The following KCNH5 variants were observed in gnomAD, a reference collection of about 807,000 sequenced individuals.
The protein encoded by KCNH5 is potassium voltage-gated channel subfamily H member 5.
Under a neutral mutation model 96.1 loss-of-function variants are expected in KCNH5, and 46 were observed. The ratio of observed to expected loss-of-function variants is 0.48; its 90% CI spans 0.38 to 0.61. KCNH5 has a LOEUF of 0.61. Among genes scored for constraint, KCNH5 ranks in the 20% least tolerant of loss-of-function variants. The probability of loss-of-function intolerance (pLI) is 0.00; values close to 1 mark genes in which losing one functional copy is unlikely to be tolerated. For synonymous variants in KCNH5, 439 were observed against 449.8 expected (o/e 0.98, Z 0.30); for missense variants, 907 against 1,225.8 (o/e 0.74, Z 3.88).
intron 10 of KCNH5, among the ~76,000 whole-genome samples, chr14:62,764,314 AT>A (rs1292982918): frequency 2.6e-5 from 4 of 152,226 alleles, no homozygotes; most frequent in African/African-American, 9.6e-5. Context: ...TTTTGGTAAA[AT>A]TAAACATATT....
At chr14:62,864,197 A>G (rs141494409) in intron 7 of KCNH5, among the ~76,000 whole-genome samples, 346 of 152,330 alleles carry the variant, frequency 2.3e-3, no homozygotes, top group Non-Finnish European at 4.2e-3. Flanking sequence ...AAAAGTGTAT[A>G]AAGACTTTTC....
In KCNH5 at chr14:63,023,372, A is replaced by G. The variant is rs572197475; in HGVS notation, c.74-6418T>C. Among the ~76,000 whole-genome samples the G allele has an allele frequency of 2.6e-5, 4 of 152,320 alleles. 1 individual carries two copies. The highest frequency in any genetic ancestry group is 2.0e-4 in the Admixed American group (3 of 15,296). On this transcript the variant is annotated intron_variant, in intron 1 of 10. Transcript: ENST00000322893. ...GTTGATTATATGAATAAGCCAATGA[A>G]CTAATACATTTTTGCAGGGTTCTCT...
chr14:62,988,994 C>T (rs1033011675), intron 4 of KCNH5, among the ~76,000 whole-genome samples: 4 of 151,758 alleles, frequency 2.6e-5, no homozygotes, highest in Admixed American at 1.3e-4. Flanking sequence ...ACATGAAATT[C>T]GCCATCCTCT....
chr14:62,739,141 ATG>A (rs953975267), intron 10 of KCNH5, among the ~76,000 whole-genome samples: 4 of 152,208 alleles, frequency 2.6e-5, no homozygotes, highest in African/African-American at 9.6e-5. Flanking sequence ...AACATTAAAA[ATG>A]TCAACAGTTA....
chr14:62,944,541 A>C (rs142705723), intron 7 of KCNH5, among the ~76,000 whole-genome samples: 32 of 152,200 alleles, frequency 2.1e-4, no homozygotes, highest in African/African-American at 7.7e-4. Context: ...GGCTGCTAGC[A>C]CATATTGGTT....
chr14:62,939,461 CA>C (rs1433289678), intron 7 of KCNH5, among the ~76,000 whole-genome samples: 3 of 152,176 alleles, frequency 2.0e-5, no homozygotes, highest in Admixed American at 6.5e-5. Context: ...ACATTTCCAT[CA>C]GAATAACCTG....
At chr14:62,888,152 T>G in intron 7 of KCNH5, among the ~76,000 whole-genome samples, 1 of 152,222 alleles carries the variant, frequency 6.6e-6, no homozygotes, top group East Asian at 1.9e-4. Context: ...AGATTTGTTG[T>G]GCTTTGTCTT....
chr14:62,715,681 A>G (rs1166067346), intron 10 of KCNH5, among the ~76,000 whole-genome samples: 10 of 152,288 alleles, frequency 6.6e-5, no homozygotes, highest in African/African-American at 2.4e-4. Context: ...TCAATCTGTA[A>G]GCTCTCCGAG....
intron 1 of KCNH5, among the ~76,000 whole-genome samples, chr14:63,035,119 T>C (rs371251225): frequency 4.6e-5 from 7 of 152,284 alleles, no homozygotes; most frequent in African/African-American, 1.7e-4. Context: ...TCTTGGGGAA[T>C]AAAAGCTAAA....
chr14:63,023,222 A>G (rs1231673985), intron 1 of KCNH5, among the ~76,000 whole-genome samples: 2 of 151,968 alleles, frequency 1.3e-5, no homozygotes, highest in African/African-American at 2.4e-5. Context: ...AAAAGAAAAA[A>G]TTAATGTTTA....
rs17100519 is a variant in KCNH5 at position 62,916,768 on chromosome 14, G to A, written c.1369+33365C>T. On this transcript the variant is annotated intron_variant, in intron 7 of 10. Coordinates refer to ENST00000322893, the MANE Select transcript of KCNH5 (RefSeq NM_139318.5). Reference sequence around the variant, plus strand: ...GTCATGCCAATATTCCTGCAGTGTGGCACAGGTGCAAATAAATGCTGAGGC... The same window carrying A: ...GTCATGCCAATATTCCTGCAGTGTGACACAGGTGCAAATAAATGCTGAGGC... 5.2e-3 allele frequency among the ~76,000 whole-genome samples: 787 copies of A among 152,272 alleles called. 3 individuals carry two copies. Among genetic ancestry groups the A allele is most frequent in the African/African-American group, 0.018 (755 of 41,560 alleles).
In KCNH5 at chr14:63,006,405, C is replaced by T. The variant is rs1162818997; in HGVS notation, c.265G>A (p.Glu89Lys). Residue 89 changes from glutamate to lysine, a missense_variant, in exon 3 of 11, where the codon GAA (glutamate) becomes AAA (lysine). Physicochemically the swap from Glu to Lys is moderately conservative, Grantham distance 56 (BLOSUM62 1). Around this residue, in one of 6 missense-constraint regions of KCNH5, gnomAD observed 370 missense variants for 561.3 expected, o/e 0.66. Transcript: ENST00000322893. ...AGAAGAACTTCAAAGCAGTTTGATT[C>T]GTAGTTGTCAAAAGTTTGCCTGACT... Reference protein sequence around the residue: ...EKVRQTFDNYESNCFEVLLYK... With the variant: ...EKVRQTFDNYKSNCFEVLLYK... 9 of 1,612,608 alleles carry T rather than the reference C, an allele frequency of 5.6e-6. No individual in the cohort carries two copies. The Middle Eastern group carries it at 5.0e-4, about 89-fold the overall frequency.
chr14:62,817,234 ATATAT>A lies in KCNH5; in HGVS notation c.1570-14658_1570-14654del, dbSNP rs1203742380. On this transcript the variant is annotated intron_variant, in intron 8 of 10. Coordinates refer to ENST00000322893, the MANE Select transcript of KCNH5 (RefSeq NM_139318.5). ...TTATATATTATATATAATATAATAC[ATATAT>A]TATAGTATATCATATATATATAATA... Among the ~76,000 whole-genome samples, 116 of 139,028 alleles carry A rather than the reference ATATAT, an allele frequency of 8.3e-4. 1 individual carries two copies. The South Asian group carries it at 0.019, about 22-fold the overall frequency. 91.2% of individuals were successfully genotyped at this position (139,028 alleles called of 152,430 possible).
rs143665284 is a variant in KCNH5 at position 62,916,109 on chromosome 14, C to T, written c.1369+34024G>A. Among the ~76,000 whole-genome samples, 639 of 151,954 alleles carry T rather than the reference C, an allele frequency of 4.2e-3. 21 individuals carry two copies. The East Asian group carries it at 0.099, about 24-fold the overall frequency. On this transcript the variant is annotated intron_variant, in intron 7 of 10. Coordinates refer to ENST00000322893, the MANE Select transcript of KCNH5 (RefSeq NM_139318.5). ...CTGGGACTACAGGCGCCCGCCACTA[C>T]GCCCGGCTAATTTTTTGTATTTTTA... is the stretch of plus-strand genomic sequence containing the variant.
At chr14:62,855,536 C>G (rs1050071711) in intron 7 of KCNH5, among the ~76,000 whole-genome samples, 1 of 152,132 alleles carries the variant, frequency 6.6e-6, no homozygotes, top group Non-Finnish European at 1.5e-5. Flanking sequence ...TTATTCTTTT[C>G]TTAAGCCACT....
chr14:63,044,533 C>A (rs1299362243), intron 1 of KCNH5, among the ~76,000 whole-genome samples: 1 of 152,086 alleles, frequency 6.6e-6, no homozygotes, highest in Non-Finnish European at 1.5e-5. Flanking sequence ...CTTGAAGCAC[C>A]AATTTGTCCA....
intron 1 of KCNH5, among the ~76,000 whole-genome samples, chr14:63,026,218 A>G (rs969295926): frequency 6.6e-6 from 1 of 152,082 alleles, no homozygotes. Flanking sequence ...TTAACTCAAA[A>G]TGGATTGAAG....
At chr14:62,864,792 T>C (rs1460313139) in intron 7 of KCNH5, among the ~76,000 whole-genome samples, 2 of 152,214 alleles carry the variant, frequency 1.3e-5, no homozygotes, top group African/African-American at 2.4e-5. Flanking sequence ...GACACCATTT[T>C]TCATGCTTGT....
At chr14:62,878,162 A>G (rs1888416507) in intron 7 of KCNH5, among the ~76,000 whole-genome samples, 1 of 131,036 alleles carries the variant, frequency 7.6e-6, no homozygotes, top group South Asian at 2.4e-4. Context: ...ACATGGACAC[A>G]GGAAGGGGAA....
Sources: gnomAD v4.1 joint callset for allele counts (sites outside exome capture counted in the v4.1 genomes callset) on GRCh38, gnomAD v4.1.1 for gene constraint, gnomAD v4.1.1 regional missense constraint, MANE v1.5 for transcripts, NCBI Gene and HGNC (gene_info 2026-07-23, HGNC 2026-07-21) for gene names.